TM6SF2: variants seen among roughly 807,000 people sequenced by gnomAD.
TM6SF2 encodes transmembrane 6 superfamily member 2.
Under a neutral mutation model 41.0 loss-of-function variants are expected in TM6SF2, and 29 were observed. The ratio of observed to expected loss-of-function variants is 0.71; its 90% CI spans 0.53 to 0.96. The LOEUF (loss-of-function observed/expected upper bound fraction) is 0.96, where lower values mean the gene tolerates loss of function less well. Ranked by LOEUF, TM6SF2 falls within the 50% of genes least tolerant of loss-of-function variation. TM6SF2 has a pLI of 0.00. For missense variants in TM6SF2, 475 were observed against 499.0 expected, an observed-to-expected ratio of 0.95 and a Z score of 0.46; for synonymous variants, 200 against 209.1, an observed-to-expected ratio of 0.96 and a Z score of 0.37.
At chr19:19,270,304 G>C in intron 3 of TM6SF2, 28 bp from the exon 4 acceptor site, 2 of 1,614,186 alleles carry the variant, frequency 1.2e-6, no homozygotes, top group African/African-American at 1.3e-5. Flanking sequence ...AGACTCAGAC[G>C]GGCAGTGCGG....
chr19:19,265,593 A>G (rs961517950), intron 9 of TM6SF2, among the ~76,000 whole-genome samples: 3 of 151,520 alleles, frequency 2.0e-5, no homozygotes, highest in Non-Finnish European at 4.4e-5. Context: ...TAATTTTTGT[A>G]CTTTTTGTAG....
At chr19:19,273,058 T>TCCAGGCCCCCCCCCCCCCCCCCCC in intron 1 of TM6SF2, 63 bp downstream of exon 1, 1 of 470,242 alleles carries the variant, frequency 2.1e-6, no homozygotes, top group Non-Finnish European at 3.8e-6. Flanking sequence ...CCACCTCCAG[T>TCCAGGCCCCCCCCCCCCCCCCCCC]CCTCCCCGCC....
intron 5 of TM6SF2, among the ~76,000 whole-genome samples, chr19:19,269,033 T>C (rs2061013570): frequency 6.6e-6 from 1 of 152,116 alleles, no homozygotes; most frequent in Non-Finnish European, 1.5e-5. Flanking sequence ...GCTCAAGTGA[T>C]TGATGAGGCA....
Position 19,273,145 on chromosome 19 carries a change from A to T in TM6SF2, c.71T>A (p.Leu24His). 1 of 1,420,024 alleles carries T rather than the reference A, an allele frequency of 7.0e-7. No homozygotes were observed. The allele number at this position is 1,420,024 out of a possible 1,614,324, so 88.0% of individuals were successfully genotyped here. A position where few individuals can be genotyped will look rare whatever the true frequency, so the allele number is the denominator to read the frequency against. Residue 24 changes from leucine (L) to histidine (H), a missense_variant, in exon 1 of 10, where the codon CTC (leucine) becomes CAC (histidine). By Grantham distance (99) the Leu-to-His change is moderately conservative. This residue lies in a region of TM6SF2 where 238 missense variants were observed against 228.6 expected (regional missense o/e 1.04). Transcript: ENST00000389363. The stretch of plus-strand genomic sequence containing the variant: ...CTGCGAGAGCGCCGAGACGTGGTTG[A>T]GCGCGTAGGACACCGGGAGGGCGCT... ...SLSALPVSYA[L>H]NHVSALSHPL... is the part of the protein sequence containing the mutation.
At chr19:19,265,012 G>T in intron 9 of TM6SF2, 139 bp from the exon 10 acceptor site, 5 of 382,796 alleles carry the variant, frequency 1.3e-5, no homozygotes, top group South Asian at 1.2e-4. Flanking sequence ...TCATCTATCT[G>T]TTTCCCATCT....
intron 8 of TM6SF2, among the ~76,000 whole-genome samples, chr19:19,267,367 T>TA (rs764335067): frequency 0.038 from 4,471 of 116,846 alleles, 180 homozygotes; most frequent in African/African-American, 0.11. Context: ...AAACTCTGTT[T>TA]AAAAAAAAAA....
chr19:19,273,242 GC>G lies in TM6SF2; in HGVS notation c.-28del. 7.4e-7 allele frequency: 1 copy of G among 1,350,776 alleles called. No homozygotes were observed. 83.7% of individuals were successfully genotyped at this position (1,350,776 alleles called of 1,614,324 possible). ...GCGGCGGCTGCTGGACCCCGGCTCA[GC>G]CCCGACGCGTTCTCCAGGGCGCTCG... On this transcript the variant is annotated 5_prime_UTR_variant, in exon 1 of 10. Transcript: ENST00000389363.
At chr19:19,264,914 A>G (rs1451936282) in intron 9 of TM6SF2, 41 bp from the exon 10 acceptor site, 1 of 1,434,526 alleles carries the variant, frequency 7.0e-7, no homozygotes, top group African/African-American at 1.4e-5. Flanking sequence ...GGGGCCAGGA[A>G]GGAACTGAAA....
Position 19,269,682 on chromosome 19 carries a change from C to T in TM6SF2, c.484+5G>A. 1.2e-6 allele frequency: 2 copies of T among 1,614,098 alleles called. No individual in the cohort carries two copies. Among genetic ancestry groups the T allele is most frequent in the African/African-American group, 1.3e-5 (1 of 75,032 alleles). On this transcript the variant is annotated splice_donor_5th_base_variant and intron_variant, in intron 5 of 9. Coordinates refer to ENST00000389363, the MANE Select transcript of TM6SF2 (RefSeq NM_001001524.3). ...AACCTGGATTTCCCAAAGCCTTGTC[C>T]TTACCAAGAATGTTTCCTGTAAGGA...
In TM6SF2 at chr19:19,264,552, TAA is replaced by T. The variant is rs2060995729; in HGVS notation, c.*110_*111del. Reference sequence around the variant, plus strand: ...GGACTGAAACTACCATAGCCAAGACTAAAGACACCCGGAGATGTCCCTCCTGT... The same window carrying T: ...GGACTGAAACTACCATAGCCAAGACTAGACACCCGGAGATGTCCCTCCTGT... On this transcript the variant is annotated 3_prime_UTR_variant, in exon 10 of 10. Coordinates refer to ENST00000389363, the MANE Select transcript of TM6SF2 (RefSeq NM_001001524.3). 2 of 966,514 alleles carry T rather than the reference TAA, an allele frequency of 2.1e-6. No individual in the cohort carries two copies. The highest frequency in any genetic ancestry group is 5.8e-5 in the South Asian group (2 of 34,550). The allele number at this position is 966,514 out of a possible 1,614,324, so 59.9% of individuals were successfully genotyped here.
In TM6SF2 at chr19:19,266,502, T is replaced by A. The variant is rs770159397; in HGVS notation, c.912A>T (p.Gly304=). 3.1e-6 allele frequency: 5 copies of A among 1,613,710 alleles called. No individual in the cohort carries two copies. The highest frequency in any genetic ancestry group is 4.2e-6 in the Non-Finnish European group (5 of 1,179,864). The part of the protein sequence containing the change: ...WLPDWALVFA[G]GIGQAQFSHM... Reference sequence around the variant, plus strand: ...TCCGCCACCTCACCTGGCCGATGCCTCCAGCAAACACCAAGGCCCAGTCTG... The same window carrying A: ...TCCGCCACCTCACCTGGCCGATGCCACCAGCAAACACCAAGGCCCAGTCTG... Residue 304 remains glycine, a synonymous_variant, in exon 9 of 10, where the codon GGA becomes GGT. Coordinates refer to ENST00000389363, the MANE Select transcript of TM6SF2 (RefSeq NM_001001524.3).
At chr19:19,265,503 C>G (rs1289751873) in intron 9 of TM6SF2, among the ~76,000 whole-genome samples, 1 of 152,166 alleles carries the variant, frequency 6.6e-6, no homozygotes, top group African/African-American at 2.4e-5. Context: ...ACTGCAGCCC[C>G]AACCTCCTGG....
At chr19:19,267,779 C>T in intron 7 of TM6SF2, 66 bp from the exon 8 acceptor site, 2 of 1,470,072 alleles carry the variant, frequency 1.4e-6, no homozygotes, top group Admixed American at 1.9e-5. Context: ...CCCCACCCTC[C>T]CAGGCCCACA....
intron 4 of TM6SF2, 169 bp from the exon 5 acceptor site, chr19:19,269,938 T>A (rs1367461510): frequency 3.3e-6 from 5 of 1,495,566 alleles, no homozygotes; most frequent in Non-Finnish European, 3.6e-6. Flanking sequence ...TGAGACCCTC[T>A]GTCCAAGAAC....
chr19:19,270,567 G>GA, intron 2 of TM6SF2, 125 bp from the exon 3 acceptor site: 1 of 1,197,262 alleles, frequency 8.4e-7, no homozygotes, highest in African/African-American at 1.5e-5. Flanking sequence ...AGGACTCCAG[G>GA]CCCAGTCCCT....
chr19:19,273,227 C>T lies in TM6SF2; in HGVS notation c.-12G>A. 6 of 1,401,718 alleles carry T rather than the reference C, an allele frequency of 4.3e-6. No homozygotes were observed. Among genetic ancestry groups the T allele is most frequent in the Non-Finnish European group, 5.6e-6 (6 of 1,078,748 alleles). The allele number at this position is 1,401,718 out of a possible 1,614,324, so 86.8% of individuals were successfully genotyped here. ...GGCGGGATGTCCATAGCGGCGGCTGCTGGACCCCGGCTCAGCCCCGACGCG... is the reference window on the plus strand; with the variant it reads ...GGCGGGATGTCCATAGCGGCGGCTGTTGGACCCCGGCTCAGCCCCGACGCG... On this transcript the variant is annotated 5_prime_UTR_variant, in exon 1 of 10. Transcript: ENST00000389363.
At chr19:19,268,537 C>T in intron 6 of TM6SF2, 93 bp downstream of exon 6, 1 of 1,467,816 alleles carries the variant, frequency 6.8e-7, no homozygotes, top group Non-Finnish European at 9.0e-7. Flanking sequence ...AAAGGAGAAC[C>T]TTCCACAGAA....
In TM6SF2 at chr19:19,271,009, C is replaced by T. The variant is rs1335954460; in HGVS notation, c.199+13G>A. 3.1e-6 allele frequency: 5 copies of T among 1,610,564 alleles called. No homozygotes were observed. The highest frequency in any genetic ancestry group is 1.7e-6 in the Non-Finnish European group (2 of 1,176,808). ...TGGACAGTCTTCTTCCCCACAGCTTCCCACTGACTCACCAGCATAGAGTGG... is the reference window on the plus strand; with the variant it reads ...TGGACAGTCTTCTTCCCCACAGCTTTCCACTGACTCACCAGCATAGAGTGG... On this transcript the variant is annotated intron_variant, in intron 2 of 9. Transcript: ENST00000389363.
intron 1 of TM6SF2, 117 bp downstream of exon 1, chr19:19,273,004 G>C (rs1041799629): frequency 1.3e-6 from 1 of 789,852 alleles, no homozygotes; most frequent in South Asian, 2.3e-5. Context: ...GGGGCGCAGG[G>C]CTCGCAGAAG....
Sources: allele counts gnomAD v4.1 joint callset (sites outside exome capture counted in the v4.1 genomes callset), GRCh38; gene constraint gnomAD v4.1.1; regional missense constraint gnomAD v4.1.1; transcripts MANE v1.5; gene names NCBI Gene and HGNC (gene_info 2026-07-23, HGNC 2026-07-21).